SPG11: variants seen among roughly 807,000 people sequenced by gnomAD.
The protein encoded by SPG11 is spatacsin.
A neutral mutation model predicts 274.0 loss-of-function variants in SPG11; 222 were observed. The ratio of observed to expected loss-of-function variants is 0.81; its 90% confidence interval spans 0.73 to 0.91. SPG11 has a LOEUF of 0.91. Ranked by LOEUF, SPG11 falls within the 40% of genes least tolerant of loss-of-function variation. The pLI, the probability that SPG11 is intolerant of heterozygous loss-of-function variation, is 0.00. For synonymous variants in SPG11, 1,144 were observed against 1,039.7 expected, an observed-to-expected ratio of 1.10 and a Z score of -1.93; for missense variants, 3,114 against 2,872.7, an observed-to-expected ratio of 1.08 and a Z score of -1.92.
chr15:44,635,409 T>C (rs2084210238), intron 7 of SPG11, among the ~76,000 whole-genome samples: 1 of 151,454 alleles, frequency 6.6e-6, no homozygotes, highest in African/African-American at 2.4e-5. Flanking sequence ...ACCTTGTTTC[T>C]AAAAAGGTTT....
At chr15:44,582,059 T>C (rs1461050388) in intron 30 of SPG11, among the ~76,000 whole-genome samples, 1 of 152,164 alleles carries the variant, frequency 6.6e-6, no homozygotes, top group Non-Finnish European at 1.5e-5. Context: ...CCTGTAATTG[T>C]TTAAGAAATT....
chr15:44,583,968 A>G lies in SPG11; in HGVS notation c.5712T>C (p.Tyr1904=), dbSNP rs1283296669. 2 of 1,614,244 alleles carry G rather than the reference A, an allele frequency of 1.2e-6. No individual in the cohort carries two copies. The highest frequency in any genetic ancestry group is 1.7e-6 in the Non-Finnish European group (2 of 1,180,046). The change falls in exon 30 of 40, where the codon TAT becomes TAC. Residue 1904 remains tyrosine (Y), a synonymous_variant. Coordinates refer to ENST00000261866, the MANE Select transcript of SPG11 (RefSeq NM_025137.4). The part of the protein sequence containing the change: ...ASRVCRYFHF[Y]NPDVALVLHC... ...GCAATACCAAGGCGACATCTGGATT[A>G]TAAAAATGAAAATACCGGCATACTC...
chr15:44,565,454 A>G (rs770692334), intron 38 of SPG11, among the ~76,000 whole-genome samples: 1 of 152,150 alleles, frequency 6.6e-6, no homozygotes, highest in Non-Finnish European at 1.5e-5. Context: ...TGCTCCTATA[A>G]AAATATAGTC....
intron 18 of SPG11, among the ~76,000 whole-genome samples, chr15:44,609,895 ATTTTTTTTTTT>A (rs771457335): frequency 1.9e-5 from 2 of 106,108 alleles, no homozygotes; most frequent in South Asian, 2.8e-4. Flanking sequence ...TGCCCAGCTA[ATTTTTTTTTTT>A]TTTTTTTTTT....
At position 44,584,168 on chromosome 15, in the gene SPG11, C is replaced by G. The variant is rs761774708; in HGVS notation, c.5512G>C (p.Ala1838Pro). 6.2e-7 allele frequency: 1 copy of G among 1,614,198 alleles called. No homozygotes were observed. Among genetic ancestry groups the G allele is most frequent in the Non-Finnish European group, 8.5e-7 (1 of 1,180,036 alleles). ...TSGELSFDSL[A>P]SEFSFSKLAA... ...AACTTGGAGAAGGAAAACTCACTGG[C>G]TAAACTATCAAAGGAAAGTTCACCA... The change falls in exon 30 of 40, where the codon GCC (alanine) becomes CCC (proline). Residue 1838 changes from alanine (A) to proline (P), a missense_variant. By Grantham distance (27) the Ala-to-Pro change is conservative. Transcript: ENST00000261866.
In SPG11 at chr15:44,613,636, C is replaced by T. The variant is rs548966946; in HGVS notation, c.3039-100G>A. 11 of 745,894 alleles carry T rather than the reference C, an allele frequency of 1.5e-5. No homozygotes were observed. In the South Asian group the frequency reaches 1.7e-4, roughly 12 times the overall value. The allele number at this position is 745,894 out of a possible 1,614,324, so 46.2% of individuals were successfully genotyped here. ...GATGATTAGCATTTAAAAAAAGAAT[C>T]TTGGAATTAAAAAGTAAATATAACA... is the stretch of plus-strand genomic sequence containing the variant. On this transcript the variant is annotated intron_variant, in intron 16 of 39. Transcript: ENST00000261866.
intron 39 of SPG11, among the ~76,000 whole-genome samples, chr15:44,563,569 C>G (rs1183181713): frequency 6.6e-6 from 1 of 152,150 alleles, no homozygotes; most frequent in Non-Finnish European, 1.5e-5. Context: ...AACTCCGGGC[C>G]TCAAGTTACC....
intron 4 of SPG11, among the ~76,000 whole-genome samples, chr15:44,655,325 T>C (rs190147102): frequency 2.8e-4 from 42 of 152,340 alleles, no homozygotes; most frequent in Admixed American, 2.4e-3. Context: ...TTTTTCATCA[T>C]GTTTCGTGCC....
chr15:44,657,324 CA>C, intron 3 of SPG11, 28 bp from the exon 4 acceptor site: 1 of 1,605,936 alleles, frequency 6.2e-7, no homozygotes. Flanking sequence ...AAGAAAATGC[CA>C]GTTTTGTAAG....
intron 11 of SPG11, 71 bp from the exon 12 acceptor site, chr15:44,622,870 T>G (rs1295896088): frequency 3.6e-6 from 4 of 1,101,110 alleles, no homozygotes; most frequent in Non-Finnish European, 5.6e-6. Flanking sequence ...AAATATGTGT[T>G]AGATACAGAA....
At chr15:44,650,649 A>G (rs567457239) in intron 6 of SPG11, among the ~76,000 whole-genome samples, 4 of 152,188 alleles carry the variant, frequency 2.6e-5, no homozygotes, top group African/African-American at 7.2e-5. Flanking sequence ...GTAAATTAAA[A>G]AAAAGAGAAA....
In SPG11 at chr15:44,633,582, T is replaced by C. The variant is rs1297568025; in HGVS notation, c.1658A>G (p.Glu553Gly). 1.2e-6 allele frequency: 2 copies of C among 1,613,466 alleles called. No homozygotes were observed. Among genetic ancestry groups the C allele is most frequent in the Admixed American group, 3.3e-5 (2 of 59,992 alleles). The change falls in exon 8 of 40, where the codon GAA becomes GGA. Residue 553 changes from glutamate (E) to glycine (G), a missense_variant. Transcript: ENST00000261866. ...TTTTGAGGATGGATTAAAAAGATTT[T>C]CCTTGCTCTTCAAAAAGAAATTTAC... ...DTVNFFLKSK[E>G]NLFNPSSKSS...
chr15:44,596,756 G>C, intron 24 of SPG11, 28 bp downstream of exon 24: 1 of 1,425,136 alleles, frequency 7.0e-7, no homozygotes, highest in Non-Finnish European at 9.4e-7. Context: ...ATTTCCTTTT[G>C]AGTGACTGCT....
rs2082905263 is a variant in SPG11, at chr15:44,591,807, T to C, written c.4743+524A>G. ...GGGCAACAAAGCAAGACTTCTTCTC[T>C]ATAAAAAAAATATTAAAAATGATCG... On this transcript the variant is annotated intron_variant, in intron 27 of 39. Transcript: ENST00000261866. 2.6e-5 allele frequency among the ~76,000 whole-genome samples: 4 copies of C among 151,818 alleles called. No homozygotes were observed. In the South Asian group the frequency reaches 6.2e-4, roughly 24 times the overall value.
intron 11 of SPG11, among the ~76,000 whole-genome samples, chr15:44,624,253 C>A (rs928384598): frequency 6.7e-6 from 1 of 149,946 alleles, no homozygotes; most frequent in African/African-American, 2.5e-5. Context: ...TTTGGGAGAC[C>A]AAGGCAGGAG....
intron 21 of SPG11, among the ~76,000 whole-genome samples, chr15:44,599,689 T>C (rs2083134337): frequency 6.6e-6 from 1 of 152,140 alleles, no homozygotes; most frequent in Admixed American, 6.5e-5. Flanking sequence ...ACTTGAATAC[T>C]TTACCATAAA....
chr15:44,617,939 G>C (rs1163373994), intron 15 of SPG11, among the ~76,000 whole-genome samples: 1 of 152,020 alleles, frequency 6.6e-6, no homozygotes. Context: ...GCCTCCCAAA[G>C]TGCTGGGATT....
chr15:44,597,752 C>T (rs1459351650), intron 23 of SPG11, among the ~76,000 whole-genome samples: 2 of 152,104 alleles, frequency 1.3e-5, no homozygotes, highest in Non-Finnish European at 2.9e-5. Flanking sequence ...TAGGTCAGCC[C>T]CAGTGGGGCA....
chr15:44,628,126 C>T (rs745469213), intron 10 of SPG11, among the ~76,000 whole-genome samples: 10 of 152,136 alleles, frequency 6.6e-5, no homozygotes, highest in Non-Finnish European at 1.0e-4. Context: ...CTAAGTCATA[C>T]AGATGGTAGT....
Sources: gnomAD v4.1 joint callset for allele counts (sites outside exome capture counted in the v4.1 genomes callset) on GRCh38, gnomAD v4.1.1 for gene constraint, MANE v1.5 for transcripts, NCBI Gene and HGNC (gene_info 2026-07-23, HGNC 2026-07-21) for gene names.